PCDHGB4: variants seen among roughly 807,000 people sequenced by gnomAD.
PCDHGB4 encodes the protein protocadherin gamma-B4.
Under a neutral mutation model 60.5 loss-of-function variants are expected in PCDHGB4, and 38 were observed. That is an observed-to-expected ratio of 0.63 (90% CI 0.48 to 0.82). The LOEUF (loss-of-function observed/expected upper bound fraction) is 0.82. Among genes scored for constraint, PCDHGB4 ranks in the 40% least tolerant of loss-of-function variants. PCDHGB4 has a pLI of 0.00. For synonymous variants in PCDHGB4, 456 were observed against 509.7 expected, an observed-to-expected ratio of 0.89 and a Z score of 1.42; for missense variants, 1,109 against 1,209.6, an observed-to-expected ratio of 0.92 and a Z score of 1.23.
chr5:141,434,440 T>C (rs1283641379), intron 1 of PCDHGB4, among the ~76,000 whole-genome samples: 2 of 152,238 alleles, frequency 1.3e-5, no homozygotes, highest in Non-Finnish European at 2.9e-5. Flanking sequence ...GTAATGCCCA[T>C]GCTGGAAGGT....
intron 1 of PCDHGB4, chr5:141,419,261 G>A (rs758952830): frequency 1.3e-5 from 21 of 1,613,864 alleles, no homozygotes; most frequent in Non-Finnish European, 1.7e-5. Context: ...CAACCAGCCG[G>A]GTGCCTCCAT....
chr5:141,435,073 G>A (rs535689336), intron 1 of PCDHGB4, among the ~76,000 whole-genome samples: 150 of 151,756 alleles, frequency 9.9e-4, no homozygotes, highest in Middle Eastern at 3.4e-3. Flanking sequence ...TGTGTAGACC[G>A]TCTGATAACA....
chr5:141,487,041 G>T lies in PCDHGB4; in HGVS notation c.2398-7766G>T, dbSNP rs149314216. Reference sequence around the variant, plus strand: ...GATCCCAGCCTGTTTGCAGTCTCTCGATATGCTGGGGAGGTGCGGACGGCT... The same window carrying T: ...GATCCCAGCCTGTTTGCAGTCTCTCTATATGCTGGGGAGGTGCGGACGGCT... On this transcript the variant is annotated intron_variant, in intron 1 of 3. Transcript: ENST00000519479. This position sits in a 1 kb window ranked among gnomAD's most constrained non-coding sequence, Gnocchi z 5.0. 6.2e-7 allele frequency: 1 copy of T among 1,614,132 alleles called. No homozygotes were observed. The highest frequency in any genetic ancestry group is 8.5e-7 in the Non-Finnish European group (1 of 1,180,030).
Position 141,476,201 on chromosome 5 carries a change from G to C in PCDHGB4, c.2398-18606G>C. ...GCTTCTGCTTGGTGCCTTGAACAAG[G>C]CTTCCACGGTCATTCACTATGAGAT... is the stretch of plus-strand genomic sequence containing the variant. On this transcript the variant is annotated intron_variant, in intron 1 of 3. Coordinates refer to ENST00000519479, the MANE Select transcript of PCDHGB4 (RefSeq NM_003736.4). This position sits in a 1 kb window ranked among gnomAD's most constrained non-coding sequence, Gnocchi z 7.6. 6.2e-7 allele frequency: 1 copy of C among 1,613,986 alleles called. No individual in the cohort carries two copies. The highest frequency in any genetic ancestry group is 8.5e-7 in the Non-Finnish European group (1 of 1,180,028).
chr5:141,396,347 G>A (rs765584625), intron 1 of PCDHGB4: 21 of 152,416 alleles, frequency 1.4e-4, no homozygotes, highest in Non-Finnish European at 2.5e-4. Context: ...GGCCGGGTGC[G>A]GTGGCTCACG....
intron 1 of PCDHGB4, chr5:141,394,953 C>T (rs749925118): frequency 6.2e-7 from 1 of 1,613,886 alleles, no homozygotes; most frequent in Non-Finnish European, 8.5e-7. Context: ...GCTTCTGGGG[C>T]TCAGGCTGAG....
rs61612330 is a variant in PCDHGB4, at chr5:141,454,796, A to ATTTTTTTTTTTTTTTTTT, written c.2398-39999_2398-39982dup. Reference sequence around the variant, plus strand: ...AAGGAAATAATCCTCCATGGTTCTAATTTTTTTTTTTTTTTTTTTTTTTTT... The same window carrying ATTTTTTTTTTTTTTTTTT: ...AAGGAAATAATCCTCCATGGTTCTAATTTTTTTTTTTTTTTTTTTTTTTTTTTTTTTTTTTTTTTTTTT... On this transcript the variant is annotated intron_variant, in intron 1 of 3. Coordinates refer to ENST00000519479, the MANE Select transcript of PCDHGB4 (RefSeq NM_003736.4). 9.0e-4 allele frequency among the ~76,000 whole-genome samples: 70 copies of ATTTTTTTTTTTTTTTTTT among 77,458 alleles called. 9 individuals carry two copies. Among genetic ancestry groups the ATTTTTTTTTTTTTTTTTT allele is most frequent in the Non-Finnish European group, 1.1e-3 (48 of 42,814 alleles). The allele number at this position is 77,458 out of a possible 152,430, so 50.8% of individuals were successfully genotyped here. A position where few individuals can be genotyped will look rare whatever the true frequency, so the allele number is the denominator to read the frequency against.
At chr5:141,455,860 ATTATTTAT>A (rs145569377) in intron 1 of PCDHGB4, among the ~76,000 whole-genome samples, 26,605 of 139,696 alleles carry the variant, frequency 0.19, 2,610 homozygotes, top group Middle Eastern at 0.23. Context: ...AATTTCTTTT[ATTATTTAT>A]TTATTTATTT....
chr5:141,433,623 G>A (rs2097635547), intron 1 of PCDHGB4, among the ~76,000 whole-genome samples: 1 of 152,070 alleles, frequency 6.6e-6, no homozygotes, highest in African/African-American at 2.4e-5. Flanking sequence ...ATCACCTGAG[G>A]TTGGGAGTTT....
chr5:141,400,502 A>C, intron 1 of PCDHGB4: 1 of 1,614,020 alleles, frequency 6.2e-7, no homozygotes, highest in Non-Finnish European at 8.5e-7. Flanking sequence ...AATTCCAGCG[A>C]GTCGACTTCC....
intron 1 of PCDHGB4, chr5:141,414,585 C>CA: frequency 6.2e-7 from 1 of 1,613,968 alleles, no homozygotes; most frequent in East Asian, 2.2e-5. Flanking sequence ...AGAACAACGC[C>CA]AGGGGTGCCT....
chr5:141,403,816 A>G (rs2094457403), intron 1 of PCDHGB4: 4 of 1,613,874 alleles, frequency 2.5e-6, no homozygotes, highest in Non-Finnish European at 3.4e-6. Context: ...ATGAAAAACA[A>G]TCTCTGCTAT....
rs2099692814 is a variant in PCDHGB4 at position 141,489,840 on chromosome 5, G to A, written c.2398-4967G>A. 6.2e-7 allele frequency: 1 copy of A among 1,614,190 alleles called. No individual in the cohort carries two copies. The highest frequency in any genetic ancestry group is 8.5e-7 in the Non-Finnish European group (1 of 1,179,990). On this transcript the variant is annotated intron_variant, in intron 1 of 3. Coordinates refer to ENST00000519479, the MANE Select transcript of PCDHGB4 (RefSeq NM_003736.4). The surrounding 1 kb of genome is among the most constrained non-coding windows in gnomAD (Gnocchi z 4.5). ...CAGAGCTGGTGCTAGAGCAGCAGCT[G>A]GATCGTGAAGCCCAGGCAAGACATC... is the stretch of plus-strand genomic sequence containing the variant.
intron 1 of PCDHGB4, among the ~76,000 whole-genome samples, chr5:141,449,003 T>A (rs2098622649): frequency 1.3e-5 from 2 of 152,280 alleles, no homozygotes; most frequent in African/African-American, 4.8e-5. Context: ...AAAGCTGTTT[T>A]TTTTAACAGT....
intron 1 of PCDHGB4, chr5:141,415,810 T>C: frequency 7.4e-7 from 1 of 1,360,418 alleles, no homozygotes; most frequent in Non-Finnish European, 9.5e-7. Context: ...AATCAAGGCC[T>C]ATATATCATA....
chr5:141,433,837 C>CAA (rs56191208), intron 1 of PCDHGB4, among the ~76,000 whole-genome samples: 9,379 of 111,452 alleles, frequency 0.084, 424 homozygotes, highest in African/African-American at 0.14. Flanking sequence ...AACTCTATCT[C>CAA]AAAAAAAAAA....
chr5:141,437,331 A>T (rs2097876062), intron 1 of PCDHGB4, among the ~76,000 whole-genome samples: 1 of 152,244 alleles, frequency 6.6e-6, no homozygotes, highest in South Asian at 2.1e-4. Context: ...TAAAATTTGT[A>T]GCTTCACTGT....
At position 141,487,653 on chromosome 5, in the gene PCDHGB4, A is replaced by C. The variant is rs1033173132; in HGVS notation, c.2398-7154A>C. The C allele has an allele frequency of 3.1e-6, 5 of 1,613,794 alleles. No individual in the cohort carries two copies. Among genetic ancestry groups the C allele is most frequent in the Non-Finnish European group, 4.2e-6 (5 of 1,179,926 alleles). ...CAGGCTCAACAAATGCTTGAGGGTT[A>C]TTCTGATCCAGGCATATGGCTAGGC... On this transcript the variant is annotated intron_variant, in intron 1 of 3. Transcript: ENST00000519479. This position sits in a 1 kb window ranked among gnomAD's most constrained non-coding sequence, Gnocchi z 5.0.
At chr5:141,455,558 G>A (rs1261373189) in intron 1 of PCDHGB4, among the ~76,000 whole-genome samples, 1 of 152,142 alleles carries the variant, frequency 6.6e-6, no homozygotes, top group East Asian at 1.9e-4. Flanking sequence ...CCGAGAAAAA[G>A]CTGGCCCTCC....
Sources: gnomAD v4.1 joint callset for allele counts (sites outside exome capture counted in the v4.1 genomes callset) on GRCh38, gnomAD v4.1.1 for gene constraint, Gnocchi (gnomAD v3.1) non-coding constraint, MANE v1.5 for transcripts, NCBI Gene and HGNC (gene_info 2026-07-23, HGNC 2026-07-21) for gene names.